ZSCAN5A: variants seen among roughly 807,000 people sequenced by gnomAD.
The protein encoded by ZSCAN5A is zinc finger and SCAN domain-containing protein 5A.
A neutral mutation model predicts 23.7 loss-of-function variants in ZSCAN5A; 12 were observed. That is an observed-to-expected ratio of 0.51 (90% CI 0.32 to 0.82). The LOEUF is 0.82. ZSCAN5A is among the 40% of genes least tolerant of loss of function. The pLI is 0.03. For missense variants in ZSCAN5A, 597 were observed against 617.9 expected, an observed-to-expected ratio of 0.97 and a Z score of 0.36; for synonymous variants, 257 against 239.9, an observed-to-expected ratio of 1.07 and a Z score of -0.66.
intron 2 of ZSCAN5A, among the ~76,000 whole-genome samples, chr19:56,335,082 C>T (rs757417678): frequency 4.0e-5 from 6 of 151,844 alleles, no homozygotes; most frequent in South Asian, 2.1e-4. Flanking sequence ...GACAAAATAG[C>T]CAGTGTAGAG....
At position 56,225,184 on chromosome 19, in the gene ZSCAN5A, A is replaced by AG. The variant is rs5828675; in HGVS notation, c.-127-12_-127-11insC. 0.47 allele frequency: 682,956 copies of AG among 1,445,306 alleles called. 162,660 individuals are homozygous for AG. Among genetic ancestry groups the AG allele is most frequent in the South Asian group, 0.57 (37,572 of 66,008 alleles). 89.5% of individuals were successfully genotyped at this position (1,445,306 alleles called of 1,614,324 possible). A position where few individuals can be genotyped will look rare whatever the true frequency, so the allele number is the denominator to read the frequency against. ...TGTTCATTCAGAAGTCTGGGGGGGA[A>AG]AAGTATGAGCCTCATTAGTTTAAGT... On this transcript the variant is annotated splice_polypyrimidine_tract_variant and intron_variant, in intron 2 of 5. Transcript: ENST00000683990.
intron 2 of ZSCAN5A, chr19:56,319,845 T>A: frequency 2.5e-6 from 2 of 784,688 alleles, no homozygotes; most frequent in Non-Finnish European, 4.7e-6. Flanking sequence ...GCAGTTTTCA[T>A]TAGTATAAAG....
intron 2 of ZSCAN5A, among the ~76,000 whole-genome samples, chr19:56,293,229 C>T (rs1420799301): frequency 6.6e-6 from 1 of 152,190 alleles, no homozygotes; most frequent in Admixed American, 6.5e-5. Flanking sequence ...TGACTCATGA[C>T]AGTCCCCAAG....
intron 2 of ZSCAN5A, among the ~76,000 whole-genome samples, chr19:56,232,822 G>C (rs750705716): frequency 2.0e-5 from 3 of 152,020 alleles, no homozygotes; most frequent in Non-Finnish European, 4.4e-5. Context: ...GCGACCACAG[G>C]TGTGCACCAC....
intron 2 of ZSCAN5A, among the ~76,000 whole-genome samples, chr19:56,239,543 G>C (rs2035247107): frequency 6.6e-6 from 1 of 152,168 alleles, no homozygotes; most frequent in South Asian, 2.1e-4. Flanking sequence ...GTGCAGAGTG[G>C]GGACCATGTG....
intron 1 of ZSCAN5A, among the ~76,000 whole-genome samples, chr19:56,313,872 T>G (rs1211732496): frequency 1.3e-5 from 2 of 152,220 alleles, no homozygotes; most frequent in Non-Finnish European, 2.9e-5. Flanking sequence ...GAGAGTTTAC[T>G]GGGTGACCAA....
intron 2 of ZSCAN5A, among the ~76,000 whole-genome samples, chr19:56,277,739 A>G (rs894367149): frequency 6.6e-6 from 1 of 152,106 alleles, no homozygotes; most frequent in Non-Finnish European, 1.5e-5. Context: ...AATAAGGATA[A>G]TAGAGACTCA....
At chr19:56,319,880 T>C (rs2041357049) in intron 2 of ZSCAN5A, 1 of 856,822 alleles carries the variant, frequency 1.2e-6, no homozygotes, top group African/African-American at 1.6e-5. Flanking sequence ...CACCCTTCCT[T>C]TTTGAATAGC....
chr19:56,297,878 C>T (rs2147221978), intron 2 of ZSCAN5A: 1 of 152,278 alleles, frequency 6.6e-6, no homozygotes, highest in South Asian at 2.1e-4. Flanking sequence ...AAAATAGCAG[C>T]AAGCCACCAA....
chr19:56,276,171 G>A (rs140000620), intron 2 of ZSCAN5A, among the ~76,000 whole-genome samples: 41 of 152,212 alleles, frequency 2.7e-4, no homozygotes, highest in South Asian at 1.5e-3. Context: ...AATTCTTTTC[G>A]ATCTTGCAAC....
At chr19:56,306,139 TG>T (rs2040670133) in intron 2 of ZSCAN5A, among the ~76,000 whole-genome samples, 1 of 152,066 alleles carries the variant, frequency 6.6e-6, no homozygotes, top group African/African-American at 2.4e-5. Flanking sequence ...CCCAGTGACA[TG>T]AAGTGTAGAG....
chr19:56,312,050 C>T (rs576411556), intron 2 of ZSCAN5A: 23 of 152,088 alleles, frequency 1.5e-4, no homozygotes, highest in Non-Finnish European at 2.8e-4. Flanking sequence ...ATAATATGTA[C>T]GATTTAATTC....
chr19:56,224,843 C>T lies in ZSCAN5A; in HGVS notation c.204G>A (p.Leu68=). The T allele has an allele frequency of 6.2e-7, 1 of 1,613,290 alleles. No homozygotes were observed. Among genetic ancestry groups the T allele is most frequent in the Non-Finnish European group, 8.5e-7 (1 of 1,179,508 alleles). ...PIQALRKLTE[L]CHLWLRPDLH... is the part of the protein sequence containing the mutation. ...GGTCGGGCCTCAGCCACAGATGGCA[C>T]AGCTCAGTGAGTTTCCTCAGAGCCT... The change falls in exon 3 of 6, where the codon CTG becomes CTA. Residue 68 remains leucine (L), a synonymous_variant. Transcript: ENST00000683990.
upstream of ZSCAN5A, chr19:56,317,475 AATG>A (rs2041329017): frequency 6.6e-6 from 1 of 152,320 alleles, no homozygotes; most frequent in Non-Finnish European, 1.5e-5. Flanking sequence ...TACACTGGAT[AATG>A]ATGTAGCCAG....
chr19:56,287,252 G>A (rs547342572), intron 2 of ZSCAN5A, among the ~76,000 whole-genome samples: 60 of 152,276 alleles, frequency 3.9e-4, no homozygotes, highest in African/African-American at 1.3e-3. Flanking sequence ...ACTCTCCTCC[G>A]GGGGTTCCCC....
upstream of ZSCAN5A, chr19:56,316,129 G>A (rs546401522): frequency 6.6e-6 from 1 of 152,294 alleles, no homozygotes; most frequent in African/African-American, 2.4e-5. Context: ...GTTGCTGTGT[G>A]ACCTCCGTCA....
intron 2 of ZSCAN5A, among the ~76,000 whole-genome samples, chr19:56,264,937 C>A (rs758562769): frequency 3.3e-5 from 5 of 152,080 alleles, no homozygotes; most frequent in Non-Finnish European, 7.4e-5. Context: ...GCCTGGCAGA[C>A]ATGGTGAAAC....
intron 2 of ZSCAN5A, among the ~76,000 whole-genome samples, chr19:56,288,106 C>A (rs1352861491): frequency 1.3e-5 from 2 of 152,174 alleles, no homozygotes; most frequent in African/African-American, 2.4e-5. Context: ...GGAGCACAGG[C>A]CCAAATGGGT....
intron 2 of ZSCAN5A, among the ~76,000 whole-genome samples, chr19:56,259,948 TG>T (rs1345682855): frequency 3.3e-5 from 5 of 152,236 alleles, no homozygotes; most frequent in Non-Finnish European, 5.9e-5. Context: ...CACGCCAGCC[TG>T]GGTGACAGAG....
Sources: gnomAD v4.1 joint callset for allele counts (sites outside exome capture counted in the v4.1 genomes callset) on GRCh38, gnomAD v4.1.1 for gene constraint, MANE v1.5 for transcripts, NCBI Gene and HGNC (gene_info 2026-07-23, HGNC 2026-07-21) for gene names.